Variants in COL24A1 observed in about 807,000 individuals in gnomAD.
COL24A1 encodes collagen alpha-1(XXIV) chain.
Under a neutral mutation model 253.9 loss-of-function variants are expected in COL24A1, and 224 were observed. The ratio of observed to expected loss-of-function variants is 0.88; its 90% CI spans 0.79 to 0.99. The LOEUF (loss-of-function observed/expected upper bound fraction) is 0.99. Ranked by LOEUF, COL24A1 falls within the 50% of genes least tolerant of loss-of-function variation. The pLI, the probability that COL24A1 is intolerant of heterozygous loss-of-function variation, is 0.00. For missense variants in COL24A1, 2,131 were observed against 2,068.5 expected (o/e 1.03, Z -0.59); for synonymous variants, 685 against 673.7 (o/e 1.02, Z -0.26).
intron 4 of COL24A1, among the ~76,000 whole-genome samples, chr1:86,114,577 A>G (rs986552424): frequency 6.6e-6 from 1 of 152,210 alleles, no homozygotes; most frequent in African/African-American, 2.4e-5. Context: ...CAAAACAGCT[A>G]GAGCCCAATG....
intron 7 of COL24A1, among the ~76,000 whole-genome samples, chr1:86,087,061 C>T (rs559602524): frequency 6.6e-6 from 1 of 152,290 alleles, no homozygotes; most frequent in African/African-American, 2.4e-5. Context: ...TTCAACTAAA[C>T]CTTATCTCAA....
At chr1:85,828,097 A>C (rs991225194) in intron 43 of COL24A1, among the ~76,000 whole-genome samples, 1 of 151,962 alleles carries the variant, frequency 6.6e-6, no homozygotes, top group East Asian at 1.9e-4. Context: ...CTTTGAATGC[A>C]TCCCAGAGAT....
At chr1:85,959,188 T>G (rs1690774576) in intron 24 of COL24A1, among the ~76,000 whole-genome samples, 1 of 152,116 alleles carries the variant, frequency 6.6e-6, no homozygotes, top group African/African-American at 2.4e-5. Context: ...ATTTTGAAAT[T>G]AGAAAGACAA....
At chr1:85,745,542 G>A in intron 55 of COL24A1, 36 bp from the exon 56 acceptor site, 2 of 1,481,420 alleles carry the variant, frequency 1.4e-6, no homozygotes, top group African/African-American at 1.4e-5. Context: ...TTAGCAATAA[G>A]ATCAACACTG....
rs146995413 is a variant in COL24A1, at chr1:85,966,253, G to A, written c.2464-1191C>T. Among the ~76,000 whole-genome samples the A allele has an allele frequency of 9.3e-4, 141 of 152,194 alleles. 1 individual carries two copies. The highest frequency in any genetic ancestry group is 3.3e-3 in the African/African-American group (136 of 41,558). ...GTAAGAGTAGCAGACCAAATGAAATGAAGAAGACTGAAAACAGGTTTGGAG... is the reference window on the plus strand; with the variant it reads ...GTAAGAGTAGCAGACCAAATGAAATAAAGAAGACTGAAAACAGGTTTGGAG... On this transcript the variant is annotated intron_variant, in intron 22 of 59. Transcript: ENST00000370571.
At chr1:85,882,090 AGT>A (rs554036074) in intron 32 of COL24A1, among the ~76,000 whole-genome samples, 19 of 152,328 alleles carry the variant, frequency 1.2e-4, no homozygotes, top group African/African-American at 4.3e-4. Flanking sequence ...AGTTATTAAA[AGT>A]GTATTATTTA....
At chr1:86,130,673 T>C (rs1235916226) in intron 2 of COL24A1, among the ~76,000 whole-genome samples, 1 of 151,932 alleles carries the variant, frequency 6.6e-6, no homozygotes, top group African/African-American at 2.4e-5. Context: ...TTCTTAAATA[T>C]CCTTATATTT....
chr1:86,018,799 A>T (rs1442252480), intron 18 of COL24A1, among the ~76,000 whole-genome samples: 1 of 152,166 alleles, frequency 6.6e-6, no homozygotes, highest in Non-Finnish European at 1.5e-5. Context: ...AGGGCATAAC[A>T]ATTGTGTTTG....
Position 86,092,318 on chromosome 1 carries a change from G to T in COL24A1, c.1602C>A (p.Gly534=). ...GGGAAAATCCTGGATCTCCTTTGGG[G>T]CCCTAAATAAAATAGTTATAAAACA... The part of the protein sequence containing the change: ...PGLPGLPGPK[G]PKGDPGFSPG... The change falls in exon 6 of 60, where the codon GGC becomes GGA. Residue 534 remains glycine (G), a splice_region_variant and synonymous_variant. Transcript: ENST00000370571. 1 of 1,603,624 alleles carries T rather than the reference G, an allele frequency of 6.2e-7. No individual in the cohort carries two copies. The highest frequency in any genetic ancestry group is 8.5e-7 in the Non-Finnish European group (1 of 1,172,376).
intron 43 of COL24A1, 31 bp from the exon 44 acceptor site, chr1:85,823,769 T>C: frequency 6.3e-7 from 1 of 1,596,276 alleles, no homozygotes; most frequent in Non-Finnish European, 8.6e-7. Flanking sequence ...ATTATTAGAG[T>C]AAGTAGAGAC....
chr1:85,941,908 A>C (rs1688791633), intron 24 of COL24A1, among the ~76,000 whole-genome samples: 1 of 152,198 alleles, frequency 6.6e-6, no homozygotes, highest in South Asian at 2.1e-4. Context: ...CTAGCAGCAT[A>C]CTGGGCACAT....
intron 57 of COL24A1, among the ~76,000 whole-genome samples, chr1:85,739,956 C>T (rs1664432239): frequency 6.6e-6 from 1 of 152,208 alleles, no homozygotes; most frequent in Non-Finnish European, 1.5e-5. Context: ...TAATTCTTCA[C>T]TTTCATCGGG....
chr1:85,775,202 G>A (rs1668409808), intron 53 of COL24A1, among the ~76,000 whole-genome samples: 1 of 152,170 alleles, frequency 6.6e-6, no homozygotes, highest in Admixed American at 6.6e-5. Context: ...TCTTAAACCT[G>A]AGTTCTATTT....
At chr1:85,897,617 T>C (rs987736287) in intron 28 of COL24A1, among the ~76,000 whole-genome samples, 29 of 152,266 alleles carry the variant, frequency 1.9e-4, no homozygotes, top group African/African-American at 6.7e-4. Flanking sequence ...CAATAATTAG[T>C]TGCAAAAAAG....
intron 43 of COL24A1, among the ~76,000 whole-genome samples, chr1:85,833,337 T>C (rs1197042470): frequency 1.8e-4 from 28 of 152,138 alleles, no homozygotes; most frequent in Admixed American, 1.8e-3. Context: ...AAAGAAGACA[T>C]TTATGCAGCC....
chr1:85,737,483 A>G lies in COL24A1; in HGVS notation c.4695T>C (p.Asn1565=). Residue 1565 remains asparagine (N), a synonymous_variant, in exon 58 of 60, where the codon AAT becomes AAC. Coordinates refer to ENST00000370571, the MANE Select transcript of COL24A1 (RefSeq NM_152890.7). The stretch of plus-strand genomic sequence containing the variant: ...CAATGGCATCTGAAGGACAGCCAAG[A>G]TTTGGGTCAATCCAGTATTTTCCTA... ...VSDGKYWIDP[N]LGCPSDAIEV... 1 of 1,612,050 alleles carries G rather than the reference A, an allele frequency of 6.2e-7. No individual in the cohort carries two copies. The highest frequency in any genetic ancestry group is 8.5e-7 in the Non-Finnish European group (1 of 1,178,728).
At chr1:86,091,525 A>G (rs1265450399) in intron 6 of COL24A1, among the ~76,000 whole-genome samples, 2 of 152,114 alleles carry the variant, frequency 1.3e-5, no homozygotes, top group East Asian at 3.8e-4. Context: ...CCATAATTAT[A>G]TTACATTTAT....
In COL24A1 at chr1:85,841,289, A is replaced by G; in HGVS notation, c.3571-11T>C. 1 of 1,576,038 alleles carries G rather than the reference A, an allele frequency of 6.3e-7. No homozygotes were observed. The highest frequency in any genetic ancestry group is 1.2e-5 in the South Asian group (1 of 86,146). On this transcript the variant is annotated splice_polypyrimidine_tract_variant and intron_variant, in intron 41 of 59. Coordinates refer to ENST00000370571, the MANE Select transcript of COL24A1 (RefSeq NM_152890.7). ...TTCTCCTGGGTAGCCCTAAAATGAAATAATGATTTATAAACAAAACTCAAT... is the reference window on the plus strand; with the variant it reads ...TTCTCCTGGGTAGCCCTAAAATGAAGTAATGATTTATAAACAAAACTCAAT...
intron 9 of COL24A1, among the ~76,000 whole-genome samples, chr1:86,058,669 TA>T (rs1302624776): frequency 6.6e-6 from 1 of 151,888 alleles, no homozygotes; most frequent in African/African-American, 2.4e-5. Context: ...GAATGCATTT[TA>T]AAAATAGTAT....
Sources: allele counts gnomAD v4.1 joint callset (sites outside exome capture counted in the v4.1 genomes callset), GRCh38; gene constraint gnomAD v4.1.1; transcripts MANE v1.5; gene names NCBI Gene and HGNC (gene_info 2026-07-23, HGNC 2026-07-21).